The following MALRD1 variants were observed in gnomAD, a reference collection of about 807,000 sequenced individuals.
MALRD1 encodes the protein MAM and LDL-receptor class A domain-containing protein 1.
Under a neutral mutation model 242.1 loss-of-function variants are expected in MALRD1, and 247 were observed. The ratio of observed to expected loss-of-function variants is 1.02; its 90% CI spans 0.92 to 1.13. The LOEUF is 1.13. MALRD1 is among the 50% of genes most tolerant of loss of function. The pLI is 0.00. For synonymous variants in MALRD1, 995 were observed against 866.6 expected, an observed-to-expected ratio of 1.15 and a Z score of -2.60; for missense variants, 2,989 against 2,533.1, an observed-to-expected ratio of 1.18 and a Z score of -3.86.
chr10:19,150,742 C>T (rs556535784), intron 11 of MALRD1, among the ~76,000 whole-genome samples: 3 of 152,212 alleles, frequency 2.0e-5, no homozygotes, highest in Non-Finnish European at 2.9e-5. Context: ...TTTTCTTTTG[C>T]TCGTTTAAGA....
chr10:19,522,713 T>C (rs1833936178), intron 31 of MALRD1, among the ~76,000 whole-genome samples: 1 of 152,178 alleles, frequency 6.6e-6, no homozygotes, highest in South Asian at 2.1e-4. Flanking sequence ...ATTATCCCCA[T>C]TTGATAGATG....
intron 4 of MALRD1, among the ~76,000 whole-genome samples, chr10:19,099,085 T>C (rs1175818544): frequency 6.6e-6 from 1 of 152,150 alleles, no homozygotes; most frequent in African/African-American, 2.4e-5. Flanking sequence ...ACTGTGCATG[T>C]GGTAATAAAA....
chr10:19,137,892 C>G (rs1833405679), intron 10 of MALRD1, among the ~76,000 whole-genome samples: 1 of 152,192 alleles, frequency 6.6e-6, no homozygotes, highest in African/African-American at 2.4e-5. Flanking sequence ...TTCTGTATCA[C>G]AAACAGGTGG....
chr10:19,476,358 A>G (rs1321534107), intron 29 of MALRD1, among the ~76,000 whole-genome samples: 1 of 152,018 alleles, frequency 6.6e-6, no homozygotes, highest in African/African-American at 2.4e-5. Flanking sequence ...CCATCTTGAG[A>G]CCCAGAATAA....
intron 1 of MALRD1, among the ~76,000 whole-genome samples, chr10:19,055,129 A>T (rs1834624077): frequency 6.6e-6 from 1 of 152,106 alleles, no homozygotes; most frequent in Non-Finnish European, 1.5e-5. Context: ...TGTGGTTGTA[A>T]TTTGCATTTT....
intron 25 of MALRD1, among the ~76,000 whole-genome samples, chr10:19,349,921 ATGT>A (rs1844299503): frequency 6.6e-6 from 1 of 152,168 alleles, no homozygotes; most frequent in Non-Finnish European, 1.5e-5. Flanking sequence ...AGAGTCCCCA[ATGT>A]TTTAAACATC....
intron 36 of MALRD1, among the ~76,000 whole-genome samples, chr10:19,638,445 T>G (rs979212316): frequency 3.9e-5 from 6 of 152,106 alleles, no homozygotes; most frequent in African/African-American, 1.4e-4. Context: ...AGAAGGTTTA[T>G]TTTAGAAAAG....
At chr10:19,393,825 G>A (rs1015783494) in intron 28 of MALRD1, among the ~76,000 whole-genome samples, 2 of 151,396 alleles carry the variant, frequency 1.3e-5, no homozygotes, top group African/African-American at 2.4e-5. Flanking sequence ...GGGAAATTTT[G>A]AAATGGACTT....
chr10:19,421,048 T>C (rs1833701175), intron 28 of MALRD1, among the ~76,000 whole-genome samples: 1 of 152,204 alleles, frequency 6.6e-6, no homozygotes, highest in Non-Finnish European at 1.5e-5. Context: ...TAAAGATGAA[T>C]ATTCCCAAGG....
chr10:19,370,118 T>A (rs1378946491), intron 26 of MALRD1, among the ~76,000 whole-genome samples: 1 of 152,130 alleles, frequency 6.6e-6, no homozygotes, highest in African/African-American at 2.4e-5. Flanking sequence ...ATGACGCTCA[T>A]TTACCTATTG....
intron 19 of MALRD1, among the ~76,000 whole-genome samples, chr10:19,275,410 T>A (rs1372840014): frequency 1.3e-5 from 2 of 152,192 alleles, no homozygotes; most frequent in African/African-American, 4.8e-5. Context: ...GGCTCACGCC[T>A]GTAATCCCAG....
chr10:19,437,926 T>C (rs1400704737), intron 28 of MALRD1, among the ~76,000 whole-genome samples: 1 of 152,158 alleles, frequency 6.6e-6, no homozygotes, highest in Non-Finnish European at 1.5e-5. Flanking sequence ...AATTGCCCCA[T>C]TCCAAGTCCT....
chr10:19,351,110 G>A (rs1484926753), intron 25 of MALRD1, among the ~76,000 whole-genome samples: 3 of 152,120 alleles, frequency 2.0e-5, no homozygotes, highest in African/African-American at 4.8e-5. Flanking sequence ...ATGATTTAAC[G>A]GTGTTCATTT....
chr10:19,447,979 C>G (rs1319509179), intron 28 of MALRD1, among the ~76,000 whole-genome samples: 1 of 152,066 alleles, frequency 6.6e-6, no homozygotes, highest in Non-Finnish European at 1.5e-5. Flanking sequence ...TATCTATAAA[C>G]TGTTAGTTGT....
chr10:19,160,094 C>T (rs1324449245), intron 12 of MALRD1, among the ~76,000 whole-genome samples: 1 of 152,004 alleles, frequency 6.6e-6, no homozygotes, highest in East Asian at 1.9e-4. Context: ...AGTGGAGACC[C>T]AAGAAAAATA....
intron 34 of MALRD1, 107 bp from the exon 35 acceptor site, chr10:19,607,670 T>G: frequency 7.5e-7 from 1 of 1,329,560 alleles, no homozygotes; most frequent in Non-Finnish European, 9.9e-7. Context: ...CTAGAAAAAA[T>G]CAAGAGTAAT....
chr10:19,473,695 G>T (rs1836603749), intron 29 of MALRD1, among the ~76,000 whole-genome samples: 1 of 152,022 alleles, frequency 6.6e-6, no homozygotes, highest in South Asian at 2.1e-4. Context: ...ATGTTCTATT[G>T]TATGCATATA....
At chr10:19,679,814 C>T (rs1368654807) in intron 36 of MALRD1, among the ~76,000 whole-genome samples, 1 of 152,148 alleles carries the variant, frequency 6.6e-6, no homozygotes, top group African/African-American at 2.4e-5. Context: ...CCTCTTAACA[C>T]TGCTTTAGCT....
intron 30 of MALRD1, among the ~76,000 whole-genome samples, chr10:19,492,391 C>T (rs766937083): frequency 2.0e-5 from 3 of 152,168 alleles, no homozygotes; most frequent in Non-Finnish European, 2.9e-5. Flanking sequence ...TTACATTTTG[C>T]TCACAATTTT....
Sources: gnomAD v4.1 joint callset for allele counts (sites outside exome capture counted in the v4.1 genomes callset) on GRCh38, gnomAD v4.1.1 for gene constraint, MANE v1.5 for transcripts, NCBI Gene and HGNC (gene_info 2026-07-23, HGNC 2026-07-21) for gene names.